SFMBT1: variants seen among roughly 807,000 people sequenced by gnomAD.
The protein encoded by SFMBT1 is scm-like with four MBT domains protein 1.
In SFMBT1, 32 loss-of-function variants were observed where a neutral mutation model predicts 108.7. The observed-to-expected ratio is 0.29, with a 90% CI of 0.22 to 0.40. The LOEUF is 0.40. Among genes scored for constraint, SFMBT1 ranks in the 10% least tolerant of loss-of-function variants. The pLI is 1.00. For synonymous variants in SFMBT1, 348 were observed against 369.5 expected, an observed-to-expected ratio of 0.94 and a Z score of 0.67; for missense variants, 816 against 1,059.6, an observed-to-expected ratio of 0.77 and a Z score of 3.19.
At chr3:53,022,522 A>C (rs2106944834) in intron 1 of SFMBT1, among the ~76,000 whole-genome samples, 1 of 151,992 alleles carries the variant, frequency 6.6e-6, no homozygotes, top group Middle Eastern at 3.4e-3. Flanking sequence ...AAATAAATAA[A>C]CCAGAATGAA....
At chr3:53,034,029 C>T (rs548282216) in intron 1 of SFMBT1, among the ~76,000 whole-genome samples, 1 of 139,974 alleles carries the variant, frequency 7.1e-6, no homozygotes, top group South Asian at 2.3e-4. Flanking sequence ...GAGATGGCGC[C>T]ATTGCACTCC....
In SFMBT1 at chr3:53,033,280, C is replaced by T. The variant is rs181292424; in HGVS notation, c.-131+12536G>A. On this transcript the variant is annotated intron_variant, in intron 1 of 20. Coordinates refer to ENST00000394752, the MANE Select transcript of SFMBT1 (RefSeq NM_016329.4). Reference sequence around the variant, plus strand: ...GGTTCCGGCAATTCTCCTGCCTCAGCCTCCCAAGTAGCTGGGATTACAGGC... The same window carrying T: ...GGTTCCGGCAATTCTCCTGCCTCAGTCTCCCAAGTAGCTGGGATTACAGGC... Among the ~76,000 whole-genome samples the T allele has an allele frequency of 0.012, 1,808 of 152,164 alleles. 115 individuals carry two copies. The South Asian group carries it at 0.17, about 14-fold the overall frequency.
chr3:52,974,348 G>A (rs1376143406), intron 1 of SFMBT1, among the ~76,000 whole-genome samples: 1 of 152,172 alleles, frequency 6.6e-6, no homozygotes, highest in East Asian at 1.9e-4. Context: ...GATGTGCAAA[G>A]TTAACTCTGA....
chr3:52,962,555 T>C (rs151011452), intron 2 of SFMBT1, among the ~76,000 whole-genome samples: 2 of 152,072 alleles, frequency 1.3e-5, no homozygotes, highest in Non-Finnish European at 2.9e-5. Context: ...CCTATAATAC[T>C]AGCACTTTGG....
chr3:52,953,306 A>T (rs1269041145), intron 3 of SFMBT1, among the ~76,000 whole-genome samples: 2 of 152,096 alleles, frequency 1.3e-5, no homozygotes, highest in Admixed American at 6.5e-5. Context: ...ACTAAAAATT[A>T]GCTGGGTGTG....
chr3:52,932,024 T>A, intron 6 of SFMBT1, 38 bp downstream of exon 6: 3 of 1,596,486 alleles, frequency 1.9e-6, no homozygotes, highest in Non-Finnish European at 2.6e-6. Context: ...ACATAGCATG[T>A]TAATGTCACA....
chr3:53,026,122 A>G (rs1171692460), intron 1 of SFMBT1, among the ~76,000 whole-genome samples: 1 of 152,216 alleles, frequency 6.6e-6, no homozygotes, highest in East Asian at 1.9e-4. Context: ...TTATCTGAAA[A>G]AATATTAACA....
chr3:52,955,801 T>A (rs1409328779), intron 2 of SFMBT1, among the ~76,000 whole-genome samples: 1 of 152,180 alleles, frequency 6.6e-6, no homozygotes, highest in Non-Finnish European at 1.5e-5. Context: ...TCATTTCTTC[T>A]AAAACTATTC....
At chr3:53,015,439 C>T (rs1699093899) in intron 1 of SFMBT1, among the ~76,000 whole-genome samples, 1 of 151,906 alleles carries the variant, frequency 6.6e-6, no homozygotes, top group African/African-American at 2.4e-5. Context: ...AGGTATATAC[C>T]CAAGAGAAAT....
rs751353418 is a variant in SFMBT1 at position 52,907,722 on chromosome 3, C to T, written c.1918G>A (p.Gly640Arg). ...LTKTKYTHYY[G>R]KKKNKRIGRP... The stretch of plus-strand genomic sequence containing the variant: ...CCAATTCTTTTATTTTTCTTCTTTC[C>T]GTAATAGTGTGCTAAATGTGGATGA... Residue 640 changes from glycine (G) to arginine (R), a missense_variant, in exon 18 of 21, where the codon GGA (glycine) becomes AGA (arginine). By Grantham distance (125) the Gly-to-Arg change is moderately radical (BLOSUM62 -2). Coordinates refer to ENST00000394752, the MANE Select transcript of SFMBT1 (RefSeq NM_016329.4). 13 of 1,606,330 alleles carry T rather than the reference C, an allele frequency of 8.1e-6. No individual in the cohort carries two copies. Among genetic ancestry groups the T allele is most frequent in the South Asian group, 2.2e-5 (2 of 89,340 alleles).
intron 1 of SFMBT1, among the ~76,000 whole-genome samples, chr3:53,036,300 C>T (rs559884018): frequency 6.6e-6 from 1 of 152,308 alleles, no homozygotes; most frequent in Non-Finnish European, 1.5e-5. Flanking sequence ...ACTAGGAGGA[C>T]TCTCATTTTA....
intron 1 of SFMBT1, among the ~76,000 whole-genome samples, chr3:52,980,365 C>T (rs143866559): frequency 1.7e-4 from 26 of 152,230 alleles, no homozygotes; most frequent in African/African-American, 6.3e-4. Flanking sequence ...ATCATCTCCA[C>T]GTGGGCAATT....
intron 1 of SFMBT1, among the ~76,000 whole-genome samples, chr3:53,036,166 T>C (rs1322210231): frequency 1.3e-5 from 2 of 152,228 alleles, no homozygotes; most frequent in East Asian, 3.8e-4. Context: ...GCTCCATTTA[T>C]GCAGAATCCA....
intron 1 of SFMBT1, among the ~76,000 whole-genome samples, chr3:53,010,411 G>C (rs1159495707): frequency 6.6e-6 from 1 of 152,254 alleles, no homozygotes; most frequent in East Asian, 1.9e-4. Context: ...TGCCAGGCCA[G>C]GGGAAAGTAG....
chr3:52,938,765 G>A (rs1234391746), intron 4 of SFMBT1, among the ~76,000 whole-genome samples: 2 of 151,880 alleles, frequency 1.3e-5, no homozygotes, highest in African/African-American at 4.8e-5. Flanking sequence ...ATACCACAGT[G>A]TCTCCCTTAC....
chr3:52,986,742 C>CT (rs1704931565), intron 1 of SFMBT1, among the ~76,000 whole-genome samples: 1 of 145,572 alleles, frequency 6.9e-6, no homozygotes, highest in Non-Finnish European at 1.5e-5. Flanking sequence ...CGCCACTGCA[C>CT]TTTAGCCTGG....
intron 1 of SFMBT1, among the ~76,000 whole-genome samples, chr3:53,012,480 G>A (rs62255890): frequency 0.27 from 40,283 of 151,410 alleles, 5,851 homozygotes; most frequent in Middle Eastern, 0.4. Flanking sequence ...TCAGCTCACT[G>A]CAAGCTCCGC....
At chr3:52,978,643 C>G (rs1704603701) in intron 1 of SFMBT1, among the ~76,000 whole-genome samples, 1 of 151,956 alleles carries the variant, frequency 6.6e-6, no homozygotes, top group Admixed American at 6.6e-5. Context: ...AAACATATGT[C>G]CAAACATAAA....
At chr3:52,958,369 C>A (rs1403951680) in intron 2 of SFMBT1, among the ~76,000 whole-genome samples, 2 of 152,060 alleles carry the variant, frequency 1.3e-5, no homozygotes, top group Non-Finnish European at 2.9e-5. Context: ...GGCAGGCGGA[C>A]CACTTGAGGT....
Sources: allele counts gnomAD v4.1 joint callset (sites outside exome capture counted in the v4.1 genomes callset), GRCh38; gene constraint gnomAD v4.1.1; transcripts MANE v1.5; gene names NCBI Gene and HGNC (gene_info 2026-07-23, HGNC 2026-07-21).